AIDA: variants seen among roughly 807,000 people sequenced by gnomAD.
AIDA encodes axin interactor, dorsalization-associated protein.
A neutral mutation model predicts 42.7 loss-of-function variants in AIDA; 18 were observed. That is an observed-to-expected ratio of 0.42 (90% CI 0.29 to 0.63). The LOEUF (loss-of-function observed/expected upper bound fraction) is 0.63, where lower values mean the gene tolerates loss of function less well. Ranked by LOEUF, AIDA falls within the 20% of genes least tolerant of loss-of-function variation. The pLI, the probability that AIDA is intolerant of heterozygous loss-of-function variation, is 0.19. For missense variants in AIDA, 250 were observed against 354.1 expected, an observed-to-expected ratio of 0.71 and a Z score of 2.36; for synonymous variants, 104 against 122.9, an observed-to-expected ratio of 0.85 and a Z score of 1.02.
At chr1:222,696,709 T>C (rs1201788207) in intron 2 of AIDA, among the ~76,000 whole-genome samples, 3 of 152,358 alleles carry the variant, frequency 2.0e-5, no homozygotes, top group South Asian at 2.1e-4. Flanking sequence ...TATACTTTCA[T>C]GTTCTTTGAA....
In AIDA at chr1:222,670,145, A is replaced by G. The variant is rs1246820807; in HGVS notation, c.812T>C (p.Ile271Thr). 1.2e-6 allele frequency: 2 copies of G among 1,613,884 alleles called. No individual in the cohort carries two copies. The highest frequency in any genetic ancestry group is 1.7e-5 in the Admixed American group (1 of 60,018). Residue 271 changes from isoleucine to threonine, a missense_variant, in exon 9 of 10, where the codon ATT (isoleucine) becomes ACT (threonine). Transcript: ENST00000340020. ...GCACATCACTTACAGTTCTATTACA[A>G]TTGGCCCAGGTTTAATTTCATCCAT... ...MEMDEIKPGP[I>T]VIELYKKPTD... is the part of the protein sequence containing the mutation.
intron 1 of AIDA, among the ~76,000 whole-genome samples, chr1:222,710,646 C>A (rs760548423): frequency 2.6e-5 from 4 of 152,162 alleles, no homozygotes; most frequent in Admixed American, 1.3e-4. Flanking sequence ...AAAATCTTAT[C>A]ATTTGTCTAA....
intron 2 of AIDA, among the ~76,000 whole-genome samples, chr1:222,698,513 G>A (rs1265305832): frequency 6.8e-6 from 1 of 146,842 alleles, no homozygotes; most frequent in Non-Finnish European, 1.5e-5. Flanking sequence ...GTGCAGTGGT[G>A]TGATTTCGGC....
intron 2 of AIDA, among the ~76,000 whole-genome samples, chr1:222,697,724 A>G (rs1419244790): frequency 6.6e-6 from 1 of 152,206 alleles, no homozygotes; most frequent in African/African-American, 2.4e-5. Flanking sequence ...TATTCAATCT[A>G]TATAAGAAAA....
chr1:222,698,829 GTGTT>G (rs1174894502), intron 2 of AIDA, among the ~76,000 whole-genome samples: 3 of 151,870 alleles, frequency 2.0e-5, no homozygotes, highest in African/African-American at 4.8e-5. Context: ...AATATGTTTT[GTGTT>G]TGTTTGTTTT....
rs1389476785 is a variant in AIDA, at chr1:222,668,655, A to C, written c.*1238T>G. The C allele has an allele frequency of 5.1e-5, 5 of 98,014 alleles. No individual in the cohort carries two copies. The highest frequency in any genetic ancestry group is 1.0e-4 in the Non-Finnish European group (5 of 49,384). The allele number at this position is 98,014 out of a possible 1,614,324, so 6.1% of individuals were successfully genotyped here. On this transcript the variant is annotated 3_prime_UTR_variant, in exon 10 of 10. Transcript: ENST00000340020. ...ATGGTATGACTAGGGTGATTACACT[A>C]GTTTAAAAATAGGCCAGGTACTGAC...
chr1:222,678,922 C>CT (rs1412731882), intron 6 of AIDA, among the ~76,000 whole-genome samples: 1 of 152,110 alleles, frequency 6.6e-6, no homozygotes, highest in Non-Finnish European at 1.5e-5. Flanking sequence ...TGATGATGTA[C>CT]TTTTTTTGGC....
chr1:222,688,066 A>G (rs768327864), intron 4 of AIDA, among the ~76,000 whole-genome samples: 14 of 152,260 alleles, frequency 9.2e-5, no homozygotes, highest in Non-Finnish European at 1.8e-4. Flanking sequence ...AAATAAAAAT[A>G]AAAATTAGCC....
rs1655213305 is a variant in AIDA, at chr1:222,687,025, G to A, written c.365C>T (p.Ala122Val). The change falls in exon 6 of 10, where the codon GCA becomes GTA. Residue 122 changes from alanine (A) to valine (V), a missense_variant. Ala to Val is a moderately conservative substitution (Grantham distance 64, BLOSUM62 0). Coordinates refer to ENST00000340020, the MANE Select transcript of AIDA (RefSeq NM_022831.4). The stretch of plus-strand genomic sequence containing the variant: ...TTCCAAATTCTCTTCTTCACCAGGT[G>A]CCAAAATTCTTCTACACAAAAAAAG... The part of the protein sequence containing the change: ...VQPVPLRRIL[A>V]PGEEENLEFE... 1 of 1,612,998 alleles carries A rather than the reference G, an allele frequency of 6.2e-7. No homozygotes were observed. Among genetic ancestry groups the A allele is most frequent in the African/African-American group, 1.3e-5 (1 of 74,838 alleles).
At chr1:222,680,617 AT>A (rs1341677091) in intron 6 of AIDA, among the ~76,000 whole-genome samples, 2 of 152,206 alleles carry the variant, frequency 1.3e-5, no homozygotes, top group Non-Finnish European at 2.9e-5. Context: ...TGGATGGATA[AT>A]TTCCAAGTTG....
rs1655455129 is a variant in AIDA at position 222,694,276 on chromosome 1, A to T, written c.181-13T>A. The T allele has an allele frequency of 1.9e-6, 3 of 1,602,980 alleles. No homozygotes were observed. In the East Asian group the frequency reaches 6.7e-5, roughly 36 times the overall value. On this transcript the variant is annotated splice_polypyrimidine_tract_variant and intron_variant, in intron 2 of 9. Transcript: ENST00000340020. ...TGCCTATGGTTTTCTGCAGGGGAAT[A>T]AAAAAAGCTATAAATACCAGAATTA...
At chr1:222,671,227 CA>C (rs1267632633) in intron 8 of AIDA, among the ~76,000 whole-genome samples, 6 of 151,276 alleles carry the variant, frequency 4.0e-5, no homozygotes, top group African/African-American at 1.5e-4. Flanking sequence ...GACTCTGTCT[CA>C]AAAAAAGAAA....
chr1:222,680,196 G>A (rs1211785968), intron 6 of AIDA, among the ~76,000 whole-genome samples: 1 of 152,146 alleles, frequency 6.6e-6, no homozygotes, highest in Non-Finnish European at 1.5e-5. Context: ...AGGTCTTTGA[G>A]CCTCATATGG....
At chr1:222,678,961 G>A (rs1329959352) in intron 6 of AIDA, among the ~76,000 whole-genome samples, 1 of 152,170 alleles carries the variant, frequency 6.6e-6, no homozygotes. Flanking sequence ...CATCCTGAAA[G>A]ACGGGATGAG....
At chr1:222,690,690 T>TTATA (rs4011741) in intron 4 of AIDA, among the ~76,000 whole-genome samples, 135,709 of 150,074 alleles carry the variant, frequency 0.9, 61,500 homozygotes, top group East Asian at 1. Context: ...GTATATAATC[T>TTATA]TATAATATAT....
chr1:222,683,649 CTT>C, intron 6 of AIDA, among the ~76,000 whole-genome samples: 1 of 152,200 alleles, frequency 6.6e-6, no homozygotes, highest in South Asian at 2.1e-4. Context: ...AAAGTTGTGT[CTT>C]GGCTATTTTT....
At chr1:222,703,315 T>A (rs1655760545) in intron 1 of AIDA, 98 bp from the exon 2 acceptor site, 1 of 835,054 alleles carries the variant, frequency 1.2e-6, no homozygotes, top group Non-Finnish European at 1.8e-6. Flanking sequence ...AGTACAATTA[T>A]TGTCCTGTTT....
chr1:222,697,067 C>G (rs1290673668), intron 2 of AIDA, among the ~76,000 whole-genome samples: 1 of 151,958 alleles, frequency 6.6e-6, no homozygotes, highest in South Asian at 2.1e-4. Context: ...CTCAGCCTCT[C>G]GAGTAGCTGG....
rs376652417 is a variant in AIDA at position 222,669,983 on chromosome 1, C to T, written c.831G>A (p.Lys277=). The change falls in exon 10 of 10, where the codon AAG becomes AAA. Residue 277 remains lysine (K), a synonymous_variant. Transcript: ENST00000340020. ...KPGPIVIELY[K]KPTDFKRKKL... is the part of the protein sequence containing the mutation. Reference sequence around the variant, plus strand: ...TCTTTCTTTTAAAGTCAGTGGGTTTCTTGTATCTGTAATCACAACAGAAAG... The same window carrying T: ...TCTTTCTTTTAAAGTCAGTGGGTTTTTTGTATCTGTAATCACAACAGAAAG... The T allele has an allele frequency of 4.2e-5, 67 of 1,614,062 alleles. 1 individual carries two copies. The Middle Eastern group carries it at 3.0e-3, about 72-fold the overall frequency.
Sources: allele counts gnomAD v4.1 joint callset (sites outside exome capture counted in the v4.1 genomes callset), GRCh38; gene constraint gnomAD v4.1.1; transcripts MANE v1.5; gene names NCBI Gene and HGNC (gene_info 2026-07-23, HGNC 2026-07-21).